Variants in PDE8B observed in about 807,000 individuals in gnomAD.
PDE8B encodes high affinity cAMP-specific and IBMX-insensitive 3',5'-cyclic phosphodiesterase 8B.
Under a neutral mutation model 101.3 loss-of-function variants are expected in PDE8B, and 26 were observed. The ratio of observed to expected loss-of-function variants is 0.26; its 90% CI spans 0.19 to 0.36. The LOEUF (loss-of-function observed/expected upper bound fraction) is 0.36. Ranked by LOEUF, PDE8B falls within the 10% of genes least tolerant of loss-of-function variation. The pLI is 1.00. For missense variants in PDE8B, 810 were observed against 1,163.1 expected, an observed-to-expected ratio of 0.70 and a Z score of 4.42; for synonymous variants, 424 against 429.3, an observed-to-expected ratio of 0.99 and a Z score of 0.15.
the PDE8B span, among the ~76,000 whole-genome samples, chr5:77,130,700 A>G: frequency 6.6e-6 from 1 of 152,224 alleles, no homozygotes; most frequent in Non-Finnish European, 1.5e-5. Context: ...TGATATTTAT[A>G]CAGTGAGGCA....
At chr5:77,227,406 C>A (rs1752625681) in intron 1 of PDE8B, among the ~76,000 whole-genome samples, 1 of 152,060 alleles carries the variant, frequency 6.6e-6, no homozygotes, top group African/African-American at 2.4e-5. Context: ...CTCTAAATAC[C>A]ATTTTTCAAT....
At chr5:77,313,717 A>T (rs1005665403) in intron 2 of PDE8B, among the ~76,000 whole-genome samples, 5 of 152,204 alleles carry the variant, frequency 3.3e-5, no homozygotes, top group Admixed American at 1.3e-4. Flanking sequence ...AATATTAATG[A>T]TATGTCTTAT....
At chr5:77,229,957 G>T (rs1482939173) in intron 1 of PDE8B, among the ~76,000 whole-genome samples, 1 of 152,186 alleles carries the variant, frequency 6.6e-6, no homozygotes, top group Non-Finnish European at 1.5e-5. Context: ...GTATATACTA[G>T]GAGTAGAACT....
chr5:77,308,963 G>A (rs1162122856), intron 1 of PDE8B, among the ~76,000 whole-genome samples: 4 of 152,026 alleles, frequency 2.6e-5, no homozygotes, highest in Non-Finnish European at 5.9e-5. Context: ...CAGATCACCC[G>A]AGGTCAGGAG....
At chr5:77,272,153 G>A (rs1009280571) in intron 1 of PDE8B, among the ~76,000 whole-genome samples, 1 of 152,180 alleles carries the variant, frequency 6.6e-6, no homozygotes, top group Non-Finnish European at 1.5e-5. Flanking sequence ...AGCATGCCGA[G>A]GGCAGAGGCT....
chr5:77,181,534 A>C, the PDE8B span, among the ~76,000 whole-genome samples: 2 of 152,150 alleles, frequency 1.3e-5, no homozygotes, highest in Non-Finnish European at 2.9e-5. Context: ...TACCCTCAAG[A>C]CTAGCTGTGC....
At chr5:77,233,361 C>G (rs1387031653) in intron 1 of PDE8B, among the ~76,000 whole-genome samples, 1 of 152,150 alleles carries the variant, frequency 6.6e-6, no homozygotes, top group African/African-American at 2.4e-5. Context: ...TCCCCAGGAG[C>G]AGGTCCTGGA....
At chr5:77,268,100 A>T (rs1195775043) in intron 1 of PDE8B, among the ~76,000 whole-genome samples, 2 of 151,732 alleles carry the variant, frequency 1.3e-5, no homozygotes, top group African/African-American at 4.8e-5. Context: ...TGGGGAGGTG[A>T]TTTGGTGAAG....
chr5:77,361,282 T>G (rs1267261639), intron 10 of PDE8B, among the ~76,000 whole-genome samples: 1 of 152,164 alleles, frequency 6.6e-6, no homozygotes, highest in Non-Finnish European at 1.5e-5. Flanking sequence ...TCAGGACCTT[T>G]TTTTAATTGA....
At chr5:77,146,262 T>A in the PDE8B span, 4 of 152,130 alleles carry the variant, frequency 2.6e-5, no homozygotes, top group East Asian at 5.8e-4. Flanking sequence ...ATTTTGTGTG[T>A]GAGAGGGACA....
chr5:77,180,832 C>G, the PDE8B span, among the ~76,000 whole-genome samples: 1 of 152,224 alleles, frequency 6.6e-6, no homozygotes, highest in African/African-American at 2.4e-5. Context: ...GCTGCTGTTG[C>G]GCCTGGTGTT....
chr5:77,107,133 T>A, the PDE8B span, among the ~76,000 whole-genome samples: 6 of 152,158 alleles, frequency 3.9e-5, no homozygotes, highest in Non-Finnish European at 8.8e-5. Flanking sequence ...TTCCTACCTA[T>A]GAGTAAGAAC....
chr5:77,301,833 G>A (rs1415378918), intron 1 of PDE8B, among the ~76,000 whole-genome samples: 1 of 152,166 alleles, frequency 6.6e-6, no homozygotes, highest in Non-Finnish European at 1.5e-5. Context: ...TTCCTGCACT[G>A]CATGTACGAC....
At chr5:77,130,270 G>A in the PDE8B span, among the ~76,000 whole-genome samples, 1 of 152,198 alleles carries the variant, frequency 6.6e-6, no homozygotes, top group Non-Finnish European at 1.5e-5. Context: ...AAATATAGCT[G>A]TGATTGGTGT....
At chr5:77,421,609 G>A (rs1268468180) in intron 19 of PDE8B, among the ~76,000 whole-genome samples, 2 of 151,010 alleles carry the variant, frequency 1.3e-5, no homozygotes, top group African/African-American at 2.4e-5. Context: ...TGTGTGTATT[G>A]CTGAGTGTCT....
the PDE8B span, among the ~76,000 whole-genome samples, chr5:77,153,887 TA>T: frequency 6.6e-6 from 1 of 152,164 alleles, no homozygotes; most frequent in Non-Finnish European, 1.5e-5. Flanking sequence ...GCTGTACTTT[TA>T]AAAAAATGTT....
chr5:77,318,606 A>G (rs1435373702), intron 2 of PDE8B, among the ~76,000 whole-genome samples: 1 of 152,192 alleles, frequency 6.6e-6, no homozygotes, highest in Non-Finnish European at 1.5e-5. Context: ...TGCATTCAGT[A>G]TAGTGGCTGC....
At chr5:77,412,060 C>T in intron 15 of PDE8B, 40 bp from the exon 16 acceptor site, 3 of 1,612,508 alleles carry the variant, frequency 1.9e-6, no homozygotes, top group Non-Finnish European at 2.5e-6. Flanking sequence ...CTCAAGATTC[C>T]ACAATTAACC....
the PDE8B span, chr5:77,139,530 C>T: frequency 6.6e-6 from 1 of 152,238 alleles, no homozygotes; most frequent in Admixed American, 6.5e-5. Flanking sequence ...CGGTCACTGT[C>T]ACTTCAAATA....
Sources: gnomAD v4.1 joint callset for allele counts (sites outside exome capture counted in the v4.1 genomes callset) on GRCh38, gnomAD v4.1.1 for gene constraint, MANE v1.5 for transcripts, NCBI Gene and HGNC (gene_info 2026-07-23, HGNC 2026-07-21) for gene names.